Variants in HTT observed in about 807,000 individuals in gnomAD.
HTT encodes the protein huntington disease protein.
A neutral mutation model predicts 362.3 loss-of-function variants in HTT; 104 were observed. The ratio of observed to expected loss-of-function variants is 0.29; its 90% CI spans 0.24 to 0.34. The LOEUF is 0.34. HTT is among the 10% of genes least tolerant of loss of function. The pLI, the probability that HTT is intolerant of heterozygous loss-of-function variation, is 1.00. For synonymous variants in HTT, 1,577 were observed against 1,548.7 expected, an observed-to-expected ratio of 1.02 and a Z score of -0.43; for missense variants, 3,301 against 3,928.6, an observed-to-expected ratio of 0.84 and a Z score of 4.27.
At chr4:3,198,374 G>T (rs755613226) in intron 40 of HTT, among the ~76,000 whole-genome samples, 3 of 152,010 alleles carry the variant, frequency 2.0e-5, no homozygotes, top group African/African-American at 7.2e-5. Flanking sequence ...ACAGGCACCC[G>T]CCACCACACT....
chr4:3,090,425 G>A (rs73088123), intron 2 of HTT, among the ~76,000 whole-genome samples: 1,729 of 152,248 alleles, frequency 0.011, 35 homozygotes, highest in African/African-American at 0.04. Context: ...ATCCTCTTGG[G>A]AATACCCAGG....
intron 1 of HTT, 69 bp downstream of exon 1, chr4:3,075,157 C>T (rs1316111072): frequency 1.1e-5 from 13 of 1,186,220 alleles, no homozygotes; most frequent in Non-Finnish European, 1.1e-5. Context: ...GGCGGTAACC[C>T]TGCAGCCTGC....
intron 50 of HTT, among the ~76,000 whole-genome samples, chr4:3,214,623 A>G (rs929630483): frequency 4.6e-5 from 7 of 152,244 alleles, no homozygotes; most frequent in African/African-American, 1.4e-4. Flanking sequence ...TTTTTAAAAA[A>G]TTGGACGTCA....
chr4:3,182,343 C>A lies in HTT; in HGVS notation c.4750-11C>A. On this transcript the variant is annotated splice_polypyrimidine_tract_variant and intron_variant, in intron 36 of 66. Transcript: ENST00000355072. Reference sequence around the variant, plus strand: ...TGGCAGCAGACTTTCTAATTGTGCACGCTCTTATAGGTGTTGGAGATGTTC... The same window carrying A: ...TGGCAGCAGACTTTCTAATTGTGCAAGCTCTTATAGGTGTTGGAGATGTTC... 6.3e-7 allele frequency: 1 copy of A among 1,576,228 alleles called. No homozygotes were observed.
At chr4:3,220,616 G>A (rs1449338578) in intron 53 of HTT, among the ~76,000 whole-genome samples, 1 of 152,084 alleles carries the variant, frequency 6.6e-6, no homozygotes, top group East Asian at 1.9e-4. Flanking sequence ...TTTGCATTTA[G>A]GCTAAACAGT....
chr4:3,141,019 T>G (rs1162563220), intron 22 of HTT, among the ~76,000 whole-genome samples: 1 of 152,264 alleles, frequency 6.6e-6, no homozygotes, highest in Non-Finnish European at 1.5e-5. Context: ...GTTGATTTTT[T>G]GGTGAGCGGG....
intron 6 of HTT, among the ~76,000 whole-genome samples, chr4:3,112,617 G>A (rs952138304): frequency 6.6e-6 from 1 of 152,214 alleles, no homozygotes; most frequent in Non-Finnish European, 1.5e-5. Flanking sequence ...GAGCTTCATA[G>A]CATTCCATTG....
At chr4:3,235,156 A>G (rs2858082) in intron 61 of HTT, 128 bp from the exon 62 acceptor site, 624,367 of 669,938 alleles carry the variant, frequency 0.93, 295,293 homozygotes, top group East Asian at 1. Flanking sequence ...GGAGCCACTC[A>G]GGGTAGGCGC....
chr4:3,115,629 C>T (rs1045896810), intron 7 of HTT, among the ~76,000 whole-genome samples, 184 bp downstream of exon 7: 9 of 152,194 alleles, frequency 5.9e-5, no homozygotes, highest in East Asian at 1.9e-4. Context: ...CAGATGCAGC[C>T]GTGCCCAGGG....
chr4:3,189,134 C>T (rs1718903715), intron 40 of HTT, 41 bp downstream of exon 40: 1 of 1,598,904 alleles, frequency 6.3e-7, no homozygotes, highest in African/African-American at 1.3e-5. Flanking sequence ...GTCTCGTTCC[C>T]CATTCTGCAC....
At chr4:3,229,472 A>C (rs1352288224) in intron 59 of HTT, among the ~76,000 whole-genome samples, 1 of 146,652 alleles carries the variant, frequency 6.8e-6, no homozygotes. Flanking sequence ...CATGCACCAG[A>C]CACATGGCAC....
rs529153681 is a variant in HTT, at chr4:3,229,501, G to A, written c.8110-386G>A. 8.8e-5 allele frequency among the ~76,000 whole-genome samples: 11 copies of A among 125,154 alleles called. No individual in the cohort carries two copies. In the South Asian group the frequency reaches 1.1e-3, roughly 12 times the overall value. The allele number at this position is 125,154 out of a possible 152,430, so 82.1% of individuals were successfully genotyped here. On this transcript the variant is annotated intron_variant, in intron 59 of 66. Transcript: ENST00000355072. ...ATGGCACACACTACACACACGCCACGTGCACACACCCCACACACATGTACG... is the reference window on the plus strand; with the variant it reads ...ATGGCACACACTACACACACGCCACATGCACACACCCCACACACATGTACG...
intron 27 of HTT, among the ~76,000 whole-genome samples, chr4:3,156,531 A>G (rs533805303): frequency 1.3e-5 from 2 of 152,368 alleles, no homozygotes; most frequent in East Asian, 1.9e-4. Context: ...GTATATTACT[A>G]TCATCTTTCT....
At position 3,237,123 on chromosome 4, in the gene HTT, G is replaced by T. The variant is rs1377095729; in HGVS notation, c.8891+869G>T. On this transcript the variant is annotated intron_variant, in intron 64 of 66. Transcript: ENST00000355072. ...AGTTTTTCCCTTGTCACCCAGGCTG[G>T]AGTGCAATGGTGTGATCTCGGCTCA... 3.9e-5 allele frequency among the ~76,000 whole-genome samples: 6 copies of T among 151,916 alleles called. No individual in the cohort carries two copies. The South Asian group carries it at 8.3e-4, about 21-fold the overall frequency.
In HTT at chr4:3,189,031, A is replaced by G. The variant is rs1398573291; in HGVS notation, c.5306A>G (p.His1769Arg). 4 of 1,614,148 alleles carry G rather than the reference A, an allele frequency of 2.5e-6. No homozygotes were observed. The South Asian group carries it at 4.4e-5, about 18-fold the overall frequency. ...QLKVEMSEQQHTFYCQELGTL... is the reference protein window; with the variant it reads ...QLKVEMSEQQRTFYCQELGTL... ...AAGGTGGAAATGAGTGAGCAGCAACATACTTTCTATTGCCAGGAACTAGGC... is the reference window on the plus strand; with the variant it reads ...AAGGTGGAAATGAGTGAGCAGCAACGTACTTTCTATTGCCAGGAACTAGGC... Residue 1769 changes from histidine (H) to arginine (R), a missense_variant, in exon 40 of 67, where the codon CAT becomes CGT. His to Arg is a conservative substitution (Grantham distance 29). Coordinates refer to ENST00000355072, the MANE Select transcript of HTT (RefSeq NM_001388492.1).
At chr4:3,225,571 C>T in intron 56 of HTT, 90 bp from the exon 57 acceptor site, 1 of 1,166,582 alleles carries the variant, frequency 8.6e-7, no homozygotes, top group Non-Finnish European at 1.2e-6. Context: ...CGGCTGGGTG[C>T]CTGTCTGGGC....
At chr4:3,172,244 C>T in intron 29 of HTT, 76 bp from the exon 30 acceptor site, 2 of 851,026 alleles carry the variant, frequency 2.4e-6, no homozygotes, top group Non-Finnish European at 2.1e-6. Flanking sequence ...TATCTTGTAC[C>T]TTCAATTTCT....
At position 3,172,971 on chromosome 4, in the gene HTT, A is replaced by G. The variant is rs767275777; in HGVS notation, c.4006A>G (p.Ser1336Gly). The G allele has an allele frequency of 5.6e-6, 9 of 1,614,080 alleles. No homozygotes were observed. The highest frequency in any genetic ancestry group is 1.3e-5 in the African/African-American group (1 of 74,920). ...SQFDGLSSNP[S>G]KSQGRAQRLG... ...GTTTGATGGCTTATCTTCCAACCCC[A>G]GCAAGTCACAAGGCCGAGCACAGCG... The change falls in exon 31 of 67, where the codon AGC becomes GGC. Residue 1336 changes from serine to glycine, a missense_variant. Physicochemically the swap from Ser to Gly is moderately conservative, Grantham distance 56. Transcript: ENST00000355072.
intron 2 of HTT, among the ~76,000 whole-genome samples, chr4:3,095,063 G>T (rs1578493239): frequency 6.6e-6 from 1 of 152,064 alleles, no homozygotes. Context: ...AGGCAGAGGG[G>T]CTCCTCACAT....
Sources: allele counts gnomAD v4.1 joint callset (sites outside exome capture counted in the v4.1 genomes callset), GRCh38; gene constraint gnomAD v4.1.1; transcripts MANE v1.5; gene names NCBI Gene and HGNC (gene_info 2026-07-23, HGNC 2026-07-21).